The following COL6A3 variants were observed in gnomAD, a reference collection of about 807,000 sequenced individuals.
The protein encoded by COL6A3 is collagen type VI alpha 3 chain.
COL6A3 carries 137 observed loss-of-function variants against 274.1 expected under a neutral mutation model. The observed-to-expected ratio is 0.50, with a 90% confidence interval of 0.44 to 0.58. COL6A3 has a LOEUF of 0.58. Ranked by LOEUF, COL6A3 falls within the 20% of genes least tolerant of loss-of-function variation. The pLI is 0.00. For synonymous variants in COL6A3, 1,650 were observed against 1,650.6 expected (o/e 1.00, Z 0.01); for missense variants, 3,950 against 4,124.9 (o/e 0.96, Z 1.16).
rs376031521 is a variant in COL6A3 at position 237,401,714 on chromosome 2, T to C, written c.-30-4867A>G. Among the ~76,000 whole-genome samples, 29 of 152,044 alleles carry C rather than the reference T, an allele frequency of 1.9e-4. No homozygotes were observed. In the East Asian group the frequency reaches 5.0e-3, roughly 26 times the overall value. On this transcript the variant is annotated intron_variant, in intron 1 of 43. Transcript: ENST00000295550. ...AATTTTTTTTTTTTGAGACAGGGTC[T>C]CCCTCTGTCACCCAGACTGGAGTGC...
chr2:237,336,466 A>C lies in COL6A3; in HGVS notation c.8634T>G (p.Thr2878=), dbSNP rs768887961. 6.2e-7 allele frequency: 1 copy of C among 1,614,154 alleles called. No homozygotes were observed. The highest frequency in any genetic ancestry group is 1.1e-5 in the South Asian group (1 of 91,078). ...SNPVTTTKPV[T]TTKPVTTTTK... is the part of the protein sequence containing the mutation. Reference sequence around the variant, plus strand: ...TTGTGGTGGTCACCGGCTTCGTCGTAGTCACCGGCTTCGTTGTCGTCACTG... The same window carrying C: ...TTGTGGTGGTCACCGGCTTCGTCGTCGTCACCGGCTTCGTTGTCGTCACTG... Residue 2878 remains threonine (T), a synonymous_variant, in exon 40 of 44, where the codon ACT becomes ACG. Coordinates refer to ENST00000295550, the MANE Select transcript of COL6A3 (RefSeq NM_004369.4).
At position 237,359,455 on chromosome 2, in the gene COL6A3, G is replaced by A; in HGVS notation, c.6283-67C>T. 4 of 1,531,376 alleles carry A rather than the reference G, an allele frequency of 2.6e-6. No individual in the cohort carries two copies. The South Asian group carries it at 4.5e-5, about 17-fold the overall frequency. The allele number at this position is 1,531,376 out of a possible 1,614,324, so 94.9% of individuals were successfully genotyped here. A position where few individuals can be genotyped will look rare whatever the true frequency, so the allele number is the denominator to read the frequency against. ...AGGGCTGGTCCCTCGGGCAGAAGAG[G>A]CCAAGGGCTGTTCCCCCACTCCACC... On this transcript the variant is annotated intron_variant, in intron 17 of 43. Transcript: ENST00000295550.
intron 4 of COL6A3, among the ~76,000 whole-genome samples, chr2:237,382,135 C>T (rs1203904422): frequency 6.6e-6 from 1 of 152,206 alleles, no homozygotes; most frequent in African/African-American, 2.4e-5. Flanking sequence ...GTAATCCCAG[C>T]ACTTTGGGAG....
intron 23 of COL6A3, chr2:237,356,922 C>A: frequency 4.0e-6 from 1 of 247,628 alleles, no homozygotes; most frequent in South Asian, 7.7e-5. Flanking sequence ...TTTTTTATTT[C>A]ACTTACAGCA....
At chr2:237,401,024 T>C (rs1470727846) in intron 1 of COL6A3, among the ~76,000 whole-genome samples, 1 of 152,168 alleles carries the variant, frequency 6.6e-6, no homozygotes, top group African/African-American at 2.4e-5. Flanking sequence ...CAAAACATAT[T>C]ACAAAATGGT....
chr2:237,330,369 C>T (rs566244985), intron 42 of COL6A3, among the ~76,000 whole-genome samples: 5 of 152,332 alleles, frequency 3.3e-5, no homozygotes, highest in African/African-American at 1.2e-4. Flanking sequence ...GAAAGATCCA[C>T]TGCTGCTCAC....
Position 237,368,953 on chromosome 2 carries a change from G to T in COL6A3, c.4510C>A (p.Arg1504=), listed in dbSNP as rs144223596. Reference sequence around the variant, plus strand: ...GACCCCCCTCTGAGCCTCAGGCGCCGTATGGCGTCCAGCACCGGGGCCTGG... The same window carrying T: ...GACCCCCCTCTGAGCCTCAGGCGCCTTATGGCGTCCAGCACCGGGGCCTGG... ...RSQAPVLDAI[R]RLRLRGGSPL... is the part of the protein sequence containing the mutation. The change falls in exon 10 of 44, where the codon CGG becomes AGG. Residue 1504 remains arginine, a synonymous_variant. Transcript: ENST00000295550. This position sits in a 1 kb window ranked among gnomAD's most constrained non-coding sequence, Gnocchi z 4.4. The T allele has an allele frequency of 1.1e-5, 18 of 1,614,118 alleles. No homozygotes were observed. In the African/African-American group the frequency reaches 1.6e-4, roughly 14 times the overall value.
chr2:237,339,140 A>G, intron 38 of COL6A3, 23 bp from the exon 39 acceptor site: 2 of 1,516,480 alleles, frequency 1.3e-6, no homozygotes, highest in Non-Finnish European at 9.2e-7. Context: ...AACAAAGAAA[A>G]CAATTGAACC....
intron 21 of COL6A3, 76 bp downstream of exon 21, chr2:237,358,445 C>A: frequency 8.3e-7 from 1 of 1,199,504 alleles, no homozygotes; most frequent in Non-Finnish European, 1.2e-6. Context: ...AAGTAGAATT[C>A]TTCCTTTCAT....
At chr2:237,343,496 C>T (rs1262407650) in intron 36 of COL6A3, 2 of 98,296 alleles carry the variant, frequency 2.0e-5, no homozygotes, top group East Asian at 6.5e-4. Flanking sequence ...GCCTGGGTGA[C>T]AGAGCAAGAC....
intron 42 of COL6A3, chr2:237,333,245 G>A (rs1700356741): frequency 1.3e-5 from 8 of 614,192 alleles, no homozygotes; most frequent in Non-Finnish European, 2.3e-5. Context: ...AATTTTCACT[G>A]AGTCTGATCA....
intron 26 of COL6A3, 100 bp downstream of exon 26, chr2:237,352,422 G>T: frequency 8.5e-7 from 1 of 1,172,806 alleles, no homozygotes. Context: ...GCTAAAGGGA[G>T]GTCTGTCTAC....
chr2:237,394,783 G>T lies in COL6A3; in HGVS notation c.513C>A (p.Asn171Lys). ...CATCCTCAACTCCAATTGCAAACAC[G>T]TTAACATCAGCAGACTTAAGTTCCG... ...PSAELKSADVNVFAIGVEDAD... is the reference protein window; with the variant it reads ...PSAELKSADVKVFAIGVEDAD... The change falls in exon 3 of 44, where the codon AAC becomes AAA. Residue 171 changes from asparagine to lysine, a missense_variant. Physicochemically the swap from Asn to Lys is moderately conservative, Grantham distance 94. Transcript: ENST00000295550. 6.2e-7 allele frequency: 1 copy of T among 1,614,150 alleles called. No individual in the cohort carries two copies. The highest frequency in any genetic ancestry group is 8.5e-7 in the Non-Finnish European group (1 of 1,180,034).
intron 3 of COL6A3, among the ~76,000 whole-genome samples, chr2:237,393,801 C>T (rs2078353163): frequency 6.6e-6 from 1 of 152,230 alleles, no homozygotes; most frequent in South Asian, 2.1e-4. Flanking sequence ...ACAGGCTTAA[C>T]TGGTTAAATA....
intron 20 of COL6A3, 41 bp from the exon 21 acceptor site, chr2:237,358,624 T>A: frequency 6.7e-7 from 1 of 1,494,190 alleles, no homozygotes; most frequent in Middle Eastern, 1.7e-4. Flanking sequence ...ACTAGATGTT[T>A]CCATTTTTAT....
rs891674199 is a variant in COL6A3, at chr2:237,324,588, T to C, written c.*186A>G. On this transcript the variant is annotated 3_prime_UTR_variant, in exon 44 of 44. Coordinates refer to ENST00000295550, the MANE Select transcript of COL6A3 (RefSeq NM_004369.4). ...ACTGCCTGGAGACAGAGAGCGAGGG[T>C]CCACAGACACATTAGCACCATACTG... 19 of 629,690 alleles carry C rather than the reference T, an allele frequency of 3.0e-5. No homozygotes were observed. The highest frequency in any genetic ancestry group is 2.9e-4 in the African/African-American group (16 of 55,480). 39.0% of individuals were successfully genotyped at this position (629,690 alleles called of 1,614,324 possible). A position where few individuals can be genotyped will look rare whatever the true frequency, so the allele number is the denominator to read the frequency against.
In COL6A3 at chr2:237,361,530, G is replaced by A. The variant is rs1284272431; in HGVS notation, c.6156+209C>T. The stretch of plus-strand genomic sequence containing the variant: ...GATCCCCTTATCCTGTGCAAAAGGA[G>A]GGTCCCGCCTGAACCATCTTCACTG... On this transcript the variant is annotated intron_variant, in intron 15 of 43. Coordinates refer to ENST00000295550, the MANE Select transcript of COL6A3 (RefSeq NM_004369.4). This position sits in a 1 kb window ranked among gnomAD's most constrained non-coding sequence, Gnocchi z 5.1. Among the ~76,000 whole-genome samples the A allele has an allele frequency of 6.6e-6, 1 of 152,174 alleles. No homozygotes were observed. Among genetic ancestry groups the A allele is most frequent in the African/African-American group, 2.4e-5 (1 of 41,432 alleles).
At chr2:237,348,186 G>A (rs1450123605) in intron 30 of COL6A3, among the ~76,000 whole-genome samples, 163 bp downstream of exon 30, 1 of 152,208 alleles carries the variant, frequency 6.6e-6, no homozygotes, top group Non-Finnish European at 1.5e-5. Context: ...CCACTTGACA[G>A]ATGAGAGAGT....
At position 237,360,115 on chromosome 2, in the gene COL6A3, C is replaced by T. The variant is rs777097924; in HGVS notation, c.6255G>A (p.Gln2085=). ...PPGVNGTQGF[Q]GCPGQRGVKG... Reference sequence around the variant, plus strand: ...TTACTCCTCTCTGGCCCGGGCAGCCCTGGAAACCTTGAGTGCCGTTCACAC... The same window carrying T: ...TTACTCCTCTCTGGCCCGGGCAGCCTTGGAAACCTTGAGTGCCGTTCACAC... The change falls in exon 17 of 44, where the codon CAG becomes CAA. Residue 2085 remains glutamine (Q), a synonymous_variant. Transcript: ENST00000295550. 100 of 1,614,154 alleles carry T rather than the reference C, an allele frequency of 6.2e-5. No homozygotes were observed. The highest frequency in any genetic ancestry group is 8.1e-5 in the Non-Finnish European group (96 of 1,180,018).
Sources: allele counts gnomAD v4.1 joint callset (sites outside exome capture counted in the v4.1 genomes callset), GRCh38; gene constraint gnomAD v4.1.1; non-coding constraint Gnocchi (gnomAD v3.1); transcripts MANE v1.5; gene names NCBI Gene and HGNC (gene_info 2026-07-23, HGNC 2026-07-21).